The following FASTKD2 variants were observed in gnomAD, a reference collection of about 807,000 sequenced individuals.
FASTKD2 encodes the protein FAST kinase domains 2.
Under a neutral mutation model 63.6 loss-of-function variants are expected in FASTKD2, and 51 were observed. The observed-to-expected ratio is 0.80, with a 90% confidence interval of 0.64 to 1.01. The LOEUF (loss-of-function observed/expected upper bound fraction) is 1.01, where lower values mean the gene tolerates loss of function less well. Ranked by LOEUF, FASTKD2 falls within the 50% of genes least tolerant of loss-of-function variation. The pLI, the probability that FASTKD2 is intolerant of heterozygous loss-of-function variation, is 0.00. For missense variants in FASTKD2, 786 were observed against 831.1 expected (o/e 0.95, Z 0.67); for synonymous variants, 284 against 293.4 (o/e 0.97, Z 0.33).
intron 6 of FASTKD2, among the ~76,000 whole-genome samples, 158 bp downstream of exon 6, chr2:206,772,478 G>T (rs977865922): frequency 6.6e-6 from 1 of 152,158 alleles, no homozygotes; most frequent in African/African-American, 2.4e-5. Context: ...TATTATTCCT[G>T]TCTGGGGGCT....
rs1214842194 is a variant in FASTKD2 at position 206,767,119 on chromosome 2, A to G, written c.426A>G (p.Glu142=). The change falls in exon 2 of 12, where the codon GAA becomes GAG. Residue 142 remains glutamate, a synonymous_variant. Coordinates refer to ENST00000402774, the MANE Select transcript of FASTKD2 (RefSeq NM_001136193.2). The stretch of plus-strand genomic sequence containing the variant: ...ACCTTAATCATGAAGTCTCCAATGA[A>G]GATGTTCTTACCAAGGAAACAAAAC... The part of the protein sequence containing the change: ...KVNLNHEVSN[E]DVLTKETKPN... The G allele has an allele frequency of 6.2e-7, 1 of 1,613,990 alleles. No individual in the cohort carries two copies. The highest frequency in any genetic ancestry group is 2.2e-5 in the East Asian group (1 of 44,896).
At chr2:206,768,796 G>A (rs934444527) in intron 2 of FASTKD2, among the ~76,000 whole-genome samples, 2 of 152,160 alleles carry the variant, frequency 1.3e-5, no homozygotes, top group Non-Finnish European at 2.9e-5. Context: ...TGGGTTCATA[G>A]CTATGGGAAA....
At position 206,771,933 on chromosome 2, in the gene FASTKD2, A is replaced by G. The variant is rs1217161638; in HGVS notation, c.1030A>G (p.Asn344Asp). ...LRELDRFSVL[N>D]SQHMFEVLAA... is the part of the protein sequence containing the mutation. The stretch of plus-strand genomic sequence containing the variant: ...GGAATTAGACAGATTTTCTGTTTTG[A>G]ATAGCCAACACATGTTTGAAGTACT... The change falls in exon 5 of 12, where the codon AAT becomes GAT. Residue 344 changes from asparagine (N) to aspartate (D), a missense_variant. Asn to Asp is a conservative substitution (Grantham distance 23). Coordinates refer to ENST00000402774, the MANE Select transcript of FASTKD2 (RefSeq NM_001136193.2). The G allele has an allele frequency of 3.1e-6, 5 of 1,610,762 alleles. No individual in the cohort carries two copies. The highest frequency in any genetic ancestry group is 4.2e-6 in the Non-Finnish European group (5 of 1,176,930).
intron 7 of FASTKD2, among the ~76,000 whole-genome samples, chr2:206,775,339 T>A (rs1689794114): frequency 6.6e-6 from 1 of 151,972 alleles, no homozygotes; most frequent in Admixed American, 6.5e-5. Context: ...GCCTTTTTTT[T>A]TTTTAGCATC....
chr2:206,779,720 A>G (rs180732274), intron 7 of FASTKD2, among the ~76,000 whole-genome samples: 10 of 152,348 alleles, frequency 6.6e-5, no homozygotes, highest in African/African-American at 1.9e-4. Context: ...GCCAAACCAT[A>G]TCAGGGAGTT....
rs200244503 is a variant in FASTKD2, at chr2:206,767,276, C to T, written c.583C>T (p.Leu195=). 1 of 1,614,220 alleles carries T rather than the reference C, an allele frequency of 6.2e-7. No individual in the cohort carries two copies. The highest frequency in any genetic ancestry group is 8.5e-7 in the Non-Finnish European group (1 of 1,180,028). ...FTAMWTIAKR[L]SDDQKRFEKR... is the part of the protein sequence containing the mutation. The stretch of plus-strand genomic sequence containing the variant: ...AGCAATGTGGACAATTGCCAAAAGA[C>T]TGTCTGATGACCAGAAGCGCTTTGA... Residue 195 remains leucine, a synonymous_variant, in exon 2 of 12, where the codon CTG becomes TTG. Transcript: ENST00000402774.
Position 206,792,101 on chromosome 2 carries a change from A to C in FASTKD2, c.*299A>C, listed in dbSNP as rs1017054321. ...TTGATCTACTAAAAACTGGTTTCTTAGTTGTGAGGTGTCACAGGCAGGTTG... is the reference window on the plus strand; with the variant it reads ...TTGATCTACTAAAAACTGGTTTCTTCGTTGTGAGGTGTCACAGGCAGGTTG... On this transcript the variant is annotated 3_prime_UTR_variant, in exon 12 of 12. Coordinates refer to ENST00000402774, the MANE Select transcript of FASTKD2 (RefSeq NM_001136193.2). The C allele has an allele frequency of 2.6e-6, 1 of 382,998 alleles. No individual in the cohort carries two copies. Among genetic ancestry groups the C allele is most frequent in the Non-Finnish European group, 4.9e-6 (1 of 205,500 alleles). 23.7% of individuals were successfully genotyped at this position (382,998 alleles called of 1,614,324 possible).
intron 7 of FASTKD2, among the ~76,000 whole-genome samples, chr2:206,780,239 GT>G (rs1689935482): frequency 6.6e-6 from 1 of 152,072 alleles, no homozygotes; most frequent in South Asian, 2.1e-4. Context: ...TCACATTGAT[GT>G]TTTGTGTTTT....
chr2:206,767,246 T>C lies in FASTKD2; in HGVS notation c.553T>C (p.Phe185Leu). 1.2e-6 allele frequency: 2 copies of C among 1,614,226 alleles called. No individual in the cohort carries two copies. Among genetic ancestry groups the C allele is most frequent in the Non-Finnish European group, 1.7e-6 (2 of 1,180,034 alleles). Residue 185 changes from phenylalanine (F) to leucine (L), a missense_variant, in exon 2 of 12, where the codon TTC (phenylalanine) becomes CTC (leucine). Coordinates refer to ENST00000402774, the MANE Select transcript of FASTKD2 (RefSeq NM_001136193.2). The part of the protein sequence containing the change: ...KAPTFPSSNY[F>L]TAMWTIAKRL... ...GCCCACATTTCCTAGTAGCAACTAT[T>C]TCACAGCAATGTGGACAATTGCCAA...
rs1011134565 is a variant in FASTKD2, at chr2:206,792,033, C to T, written c.*231C>T. ...CAACCACACCTATTCCCTCTAGTGCCCAGATATTTGATTTGTGAGCTGTAC... is the reference window on the plus strand; with the variant it reads ...CAACCACACCTATTCCCTCTAGTGCTCAGATATTTGATTTGTGAGCTGTAC... On this transcript the variant is annotated 3_prime_UTR_variant, in exon 12 of 12. Coordinates refer to ENST00000402774, the MANE Select transcript of FASTKD2 (RefSeq NM_001136193.2). 1.9e-6 allele frequency: 1 copy of T among 517,792 alleles called. No individual in the cohort carries two copies. The highest frequency in any genetic ancestry group is 1.9e-5 in the African/African-American group (1 of 51,944). 32.1% of individuals were successfully genotyped at this position (517,792 alleles called of 1,614,324 possible). A position where few individuals can be genotyped will look rare whatever the true frequency, so the allele number is the denominator to read the frequency against.
Position 206,767,486 on chromosome 2 carries a change from G to A in FASTKD2, c.777+16G>A, listed in dbSNP as rs756924071. 9 of 1,593,396 alleles carry A rather than the reference G, an allele frequency of 5.6e-6. No homozygotes were observed. The highest frequency in any genetic ancestry group is 5.0e-5 in the Admixed American group (3 of 59,960). ...GGTGACCCAGGTAAAATAAAAAGGAGATTTAAACATGCATTTACTTGATTT... is the reference window on the plus strand; with the variant it reads ...GGTGACCCAGGTAAAATAAAAAGGAAATTTAAACATGCATTTACTTGATTT... On this transcript the variant is annotated intron_variant, in intron 2 of 11. Coordinates refer to ENST00000402774, the MANE Select transcript of FASTKD2 (RefSeq NM_001136193.2).
At chr2:206,770,005 G>A (rs1689625587) in intron 2 of FASTKD2, 86 bp from the exon 3 acceptor site, 1 of 825,942 alleles carries the variant, frequency 1.2e-6, no homozygotes, top group Non-Finnish European at 2.1e-6. Flanking sequence ...GTTTTATTCA[G>A]TACATCAGTT....
At position 206,793,217 on chromosome 2, in the gene FASTKD2, T is replaced by G. The variant is rs6755938; in HGVS notation, c.*1415T>G. Among the ~76,000 whole-genome samples, 1,661 of 71,104 alleles carry G rather than the reference T, an allele frequency of 0.023. 42 individuals carry two copies. Among genetic ancestry groups the G allele is most frequent in the African/African-American group, 0.11 (1,544 of 14,616 alleles). The allele number at this position is 71,104 out of a possible 152,430, so 46.6% of individuals were successfully genotyped here. A position where few individuals can be genotyped will look rare whatever the true frequency, so the allele number is the denominator to read the frequency against. ...AGCCTGACCACAGAGCGAGACTCTG[T>G]CTCAAAAAAAAAAAAAAAAAAAAAA... On this transcript the variant is annotated 3_prime_UTR_variant, in exon 12 of 12. Coordinates refer to ENST00000402774, the MANE Select transcript of FASTKD2 (RefSeq NM_001136193.2).
Position 206,792,102 on chromosome 2 carries a change from G to T in FASTKD2, c.*300G>T, listed in dbSNP as rs1690301607. The T allele has an allele frequency of 2.6e-6, 1 of 379,140 alleles. No individual in the cohort carries two copies. Among genetic ancestry groups the T allele is most frequent in the Non-Finnish European group, 4.9e-6 (1 of 203,076 alleles). 23.5% of individuals were successfully genotyped at this position (379,140 alleles called of 1,614,324 possible). On this transcript the variant is annotated 3_prime_UTR_variant, in exon 12 of 12. Coordinates refer to ENST00000402774, the MANE Select transcript of FASTKD2 (RefSeq NM_001136193.2). ...TGATCTACTAAAAACTGGTTTCTTAGTTGTGAGGTGTCACAGGCAGGTTGA... is the reference window on the plus strand; with the variant it reads ...TGATCTACTAAAAACTGGTTTCTTATTTGTGAGGTGTCACAGGCAGGTTGA...
At position 206,771,946 on chromosome 2, in the gene FASTKD2, T is replaced by C. The variant is rs1444934219; in HGVS notation, c.1043T>C (p.Met348Thr). Reference sequence around the variant, plus strand: ...TTTTCTGTTTTGAATAGCCAACACATGTTTGAAGTACTAGCTGCCATGAAT... The same window carrying C: ...TTTTCTGTTTTGAATAGCCAACACACGTTTGAAGTACTAGCTGCCATGAAT... ...DRFSVLNSQH[M>T]FEVLAAMNHR... Residue 348 changes from methionine (M) to threonine (T), a missense_variant, in exon 5 of 12, where the codon ATG becomes ACG. Met to Thr is a moderately conservative substitution (Grantham distance 81, BLOSUM62 -1). Transcript: ENST00000402774. The C allele has an allele frequency of 1.2e-6, 2 of 1,611,554 alleles. No homozygotes were observed. The highest frequency in any genetic ancestry group is 8.5e-7 in the Non-Finnish European group (1 of 1,177,630).
chr2:206,789,208 T>A (rs1458278902), intron 10 of FASTKD2: 4 of 286,990 alleles, frequency 1.4e-5, no homozygotes, highest in Non-Finnish European at 2.6e-5. Context: ...AGTGTAGACT[T>A]TGGACAAGAT....
rs1184523205 is a variant in FASTKD2 at position 206,795,831 on chromosome 2, G to A, written c.*4029G>A. On this transcript the variant is annotated 3_prime_UTR_variant, in exon 12 of 12. Coordinates refer to ENST00000402774, the MANE Select transcript of FASTKD2 (RefSeq NM_001136193.2). ...AGGACGAGGAGCATCCATTTTGCTG[G>A]TGGGGATTGTGGCTAAAATAATGTG... 6.6e-6 allele frequency among the ~76,000 whole-genome samples: 1 copy of A among 152,218 alleles called. No homozygotes were observed. The highest frequency in any genetic ancestry group is 1.5e-5 in the Non-Finnish European group (1 of 68,030).
At chr2:206,769,995 G>T in intron 2 of FASTKD2, 96 bp from the exon 3 acceptor site, 2 of 790,156 alleles carry the variant, frequency 2.5e-6, no homozygotes, top group East Asian at 5.0e-5. Flanking sequence ...ATACTCAATC[G>T]TTTTATTCAG....
chr2:206,777,227 T>C (rs1689846792), intron 7 of FASTKD2, among the ~76,000 whole-genome samples: 1 of 152,158 alleles, frequency 6.6e-6, no homozygotes, highest in Admixed American at 6.5e-5. Context: ...ATAGAAGTGA[T>C]GAGAGTAGGC....
Sources: allele counts gnomAD v4.1 joint callset (sites outside exome capture counted in the v4.1 genomes callset), GRCh38; gene constraint gnomAD v4.1.1; transcripts MANE v1.5; gene names NCBI Gene and HGNC (gene_info 2026-07-23, HGNC 2026-07-21).